The following TMEM131 variants were observed in gnomAD, a reference collection of about 807,000 sequenced individuals.
TMEM131 encodes the protein 2610524E03Rik.
Under a neutral mutation model 211.6 loss-of-function variants are expected in TMEM131, and 66 were observed. The observed-to-expected ratio is 0.31, with a 90% CI of 0.26 to 0.38. The LOEUF is 0.38. Among genes scored for constraint, TMEM131 ranks in the 10% least tolerant of loss-of-function variants. TMEM131 has a pLI of 1.00. For missense variants in TMEM131, 2,036 were observed against 2,299.3 expected (o/e 0.89, Z 2.34); for synonymous variants, 844 against 841.3 (o/e 1.00, Z -0.06).
intron 5 of TMEM131, among the ~76,000 whole-genome samples, chr2:97,855,860 T>C (rs1673821031): frequency 6.6e-6 from 1 of 152,232 alleles, no homozygotes; most frequent in Non-Finnish European, 1.5e-5. Context: ...TTTTGTTAAA[T>C]TCCCAAAAAC....
chr2:97,838,523 C>T (rs1006949784), intron 7 of TMEM131, among the ~76,000 whole-genome samples: 48 of 139,940 alleles, frequency 3.4e-4, no homozygotes, highest in African/African-American at 9.4e-4. Flanking sequence ...CGGCTCACTG[C>T]AACCTCTGCC....
chr2:97,916,602 T>C (rs1341425048), intron 2 of TMEM131, among the ~76,000 whole-genome samples: 1 of 152,168 alleles, frequency 6.6e-6, no homozygotes, highest in Non-Finnish European at 1.5e-5. Flanking sequence ...ACTGATAATG[T>C]AGAGTGAGAA....
intron 1 of TMEM131, 148 bp downstream of exon 1, chr2:97,995,328 C>A: frequency 1.4e-6 from 1 of 716,748 alleles, no homozygotes; most frequent in South Asian, 6.6e-5. Context: ...GCGGCGGGCG[C>A]CGCGAGGTCC....
chr2:97,933,705 C>G (rs1425856938), intron 1 of TMEM131, among the ~76,000 whole-genome samples: 2 of 151,918 alleles, frequency 1.3e-5, no homozygotes, highest in African/African-American at 4.8e-5. Context: ...TGCATCACGA[C>G]CAAGTGACTT....
rs752929046 is a variant in TMEM131, at chr2:97,802,385, A to G, written c.2651+43T>C. Reference sequence around the variant, plus strand: ...TTTTAAGTGAATAAAATACTAATTCAATACTACATAGAAACACTGTGATGA... The same window carrying G: ...TTTTAAGTGAATAAAATACTAATTCGATACTACATAGAAACACTGTGATGA... On this transcript the variant is annotated intron_variant, in intron 24 of 40. Transcript: ENST00000186436. 4 of 1,382,348 alleles carry G rather than the reference A, an allele frequency of 2.9e-6. No homozygotes were observed. The Admixed American group carries it at 8.7e-5, about 30-fold the overall frequency. The allele number at this position is 1,382,348 out of a possible 1,614,324, so 85.6% of individuals were successfully genotyped here. A position where few individuals can be genotyped will look rare whatever the true frequency, so the allele number is the denominator to read the frequency against.
chr2:97,920,968 C>CAA, intron 2 of TMEM131, among the ~76,000 whole-genome samples: 1 of 101,534 alleles, frequency 9.8e-6, no homozygotes, highest in South Asian at 2.6e-4. Context: ...TAAAAAATCC[C>CAA]GAGTGTGTGT....
At chr2:97,832,140 C>G (rs1559387809) in intron 11 of TMEM131, among the ~76,000 whole-genome samples, 1 of 151,442 alleles carries the variant, frequency 6.6e-6, no homozygotes, top group African/African-American at 2.4e-5. Context: ...CCAGTAAGAG[C>G]AAAAATGTTC....
Position 97,759,752 on chromosome 2 carries a change from A to G in TMEM131, c.5109-3T>C. On this transcript the variant is annotated splice_polypyrimidine_tract_variant and splice_region_variant and intron_variant, in intron 38 of 40. Coordinates refer to ENST00000186436, the MANE Select transcript of TMEM131 (RefSeq NM_015348.2). ...TGACGGGACTCCACAAACCCGAGCT[A>G]AATGTTACAAGAGGAAAACGCAACA... is the stretch of plus-strand genomic sequence containing the variant. 3 of 1,610,050 alleles carry G rather than the reference A, an allele frequency of 1.9e-6. No homozygotes were observed. Among genetic ancestry groups the G allele is most frequent in the Non-Finnish European group, 2.5e-6 (3 of 1,177,820 alleles).
intron 4 of TMEM131, among the ~76,000 whole-genome samples, chr2:97,874,018 G>A (rs1674592745): frequency 6.6e-6 from 1 of 152,112 alleles, no homozygotes; most frequent in Admixed American, 6.5e-5. Context: ...CCAGTGTAGA[G>A]AAGAACATAA....
chr2:97,855,906 C>A (rs566834720), intron 5 of TMEM131, among the ~76,000 whole-genome samples: 4 of 152,098 alleles, frequency 2.6e-5, no homozygotes, highest in Admixed American at 2.0e-4. Flanking sequence ...CCTTCTATAT[C>A]TAATTAAAAT....
chr2:97,987,677 A>G (rs1680088633), intron 1 of TMEM131, among the ~76,000 whole-genome samples: 1 of 152,202 alleles, frequency 6.6e-6, no homozygotes, highest in African/African-American at 2.4e-5. Context: ...ACTATTAATG[A>G]TACACTGATT....
intron 33 of TMEM131, among the ~76,000 whole-genome samples, chr2:97,768,675 C>T (rs2104789725): frequency 6.6e-6 from 1 of 152,344 alleles, no homozygotes; most frequent in African/African-American, 2.4e-5. Context: ...ACTGTAACCT[C>T]TGCCTCCCAG....
Position 97,775,926 on chromosome 2 carries a change from G to C in TMEM131, c.4237C>G (p.Leu1413Val). Residue 1413 changes from leucine (L) to valine (V), a missense_variant, in exon 32 of 41, where the codon CTG (leucine) becomes GTG (valine). Around this residue, in one of 3 missense-constraint regions of TMEM131, gnomAD observed 1,623 missense variants for 1,805.9 expected, o/e 0.90. Transcript: ENST00000186436. ...TCATCATCAGCCAAAGAGTCCTTCA[G>C]CTCATCTTCCTGTGGCTTTCCCTTT... ...KGKGKPQEDE[L>V]KDSLADDDSS... 6.2e-7 allele frequency: 1 copy of C among 1,613,992 alleles called. No homozygotes were observed. The highest frequency in any genetic ancestry group is 8.5e-7 in the Non-Finnish European group (1 of 1,179,884).
chr2:97,760,588 C>A lies in TMEM131; in HGVS notation c.5108+5G>T, dbSNP rs186818466. On this transcript the variant is annotated splice_donor_5th_base_variant and intron_variant, in intron 38 of 40. Transcript: ENST00000186436. ...TTTCTAGCGGTTAGTGGTGGTCTAC[C>A]GTACCTGTCTGAGCCATCGCTGTCA... is the stretch of plus-strand genomic sequence containing the variant. The A allele has an allele frequency of 3.1e-6, 5 of 1,606,950 alleles. No homozygotes were observed. In the African/African-American group the frequency reaches 6.7e-5, roughly 21 times the overall value.
At chr2:97,935,055 C>A (rs1677384563) in intron 1 of TMEM131, among the ~76,000 whole-genome samples, 1 of 152,002 alleles carries the variant, frequency 6.6e-6, no homozygotes, top group African/African-American at 2.4e-5. Flanking sequence ...CTTCACATGA[C>A]CCTGTTAAGA....
At position 97,995,650 on chromosome 2, in the gene TMEM131, C is replaced by T. The variant is rs1040952100; in HGVS notation, c.13G>A (p.Ala5Thr). 5.8e-6 allele frequency: 7 copies of T among 1,214,704 alleles called. No homozygotes were observed. Among genetic ancestry groups the T allele is most frequent in the Admixed American group, 4.4e-5 (1 of 22,864 alleles). 75.2% of individuals were successfully genotyped at this position (1,214,704 alleles called of 1,614,324 possible). A position where few individuals can be genotyped will look rare whatever the true frequency, so the allele number is the denominator to read the frequency against. Residue 5 changes from alanine (A) to threonine (T), a missense_variant, in exon 1 of 41, where the codon GCG (alanine) becomes ACG (threonine). Coordinates refer to ENST00000186436, the MANE Select transcript of TMEM131 (RefSeq NM_015348.2). MGKR[A>T]GGGATGATTA... is the part of the protein sequence containing the mutation. The stretch of plus-strand genomic sequence containing the variant: ...GTGGCTCCGGTTGCTCCTCCTCCCG[C>T]CCGCTTCCCCATCCCTGCCGGCCGG...
chr2:97,979,134 G>A (rs964683362), intron 1 of TMEM131, among the ~76,000 whole-genome samples: 1 of 152,258 alleles, frequency 6.6e-6, no homozygotes, highest in Non-Finnish European at 1.5e-5. Context: ...TCAACAGTGG[G>A]CTTAAAATAT....
chr2:97,922,771 A>C (rs1452252012), intron 2 of TMEM131, among the ~76,000 whole-genome samples: 1 of 152,190 alleles, frequency 6.6e-6, no homozygotes, highest in Non-Finnish European at 1.5e-5. Flanking sequence ...AGAGAGCTTG[A>C]GGGGAAACTT....
At chr2:97,984,674 T>A (rs1223292557) in intron 1 of TMEM131, among the ~76,000 whole-genome samples, 2 of 151,326 alleles carry the variant, frequency 1.3e-5, no homozygotes, top group Non-Finnish European at 2.9e-5. Context: ...GGGAGGGCAT[T>A]AATCTATTCA....
Sources: allele counts gnomAD v4.1 joint callset (sites outside exome capture counted in the v4.1 genomes callset), GRCh38; gene constraint gnomAD v4.1.1; regional missense constraint gnomAD v4.1.1; transcripts MANE v1.5; gene names NCBI Gene and HGNC (gene_info 2026-07-23, HGNC 2026-07-21).